LRRC72: variants seen among roughly 807,000 people sequenced by gnomAD.
The protein encoded by LRRC72 is leucine-rich repeat-containing protein 72.
In LRRC72, 41 loss-of-function variants were observed where a neutral mutation model predicts 35.8. That is an observed-to-expected ratio of 1.15 (90% CI 0.89 to 1.49). The LOEUF (loss-of-function observed/expected upper bound fraction) is 1.49. Among genes scored for constraint, LRRC72 ranks in the 40% most tolerant of loss-of-function variants. LRRC72 has a pLI of 0.00. For missense variants in LRRC72, 389 were observed against 330.7 expected (o/e 1.18, Z -1.37); for synonymous variants, 118 against 119.2 (o/e 0.99, Z 0.07).
chr7:16,532,532 G>C lies in LRRC72; in HGVS notation c.128G>C (p.Arg43Thr). Residue 43 changes from arginine to threonine, a missense_variant, in exon 2 of 9, where the codon AGG (arginine) becomes ACG (threonine). Coordinates refer to ENST00000401542, the MANE Select transcript of LRRC72 (RefSeq NM_001195280.2). Reference protein sequence around the residue: ...EDQLKICGHRRDADVFELFLS... With the variant: ...EDQLKICGHRTDADVFELFLS... ...CAGCTAAAGATATGTGGCCACAGGAGGGATGCTGATGTCTTTGAGCTGTTC... is the reference window on the plus strand; with the variant it reads ...CAGCTAAAGATATGTGGCCACAGGACGGATGCTGATGTCTTTGAGCTGTTC... 6 of 1,550,208 alleles carry C rather than the reference G, an allele frequency of 3.9e-6. No homozygotes were observed. The highest frequency in any genetic ancestry group is 5.2e-6 in the Non-Finnish European group (6 of 1,146,584).
rs770109898 is a variant in LRRC72 at position 16,532,562 on chromosome 7, C to T, written c.158C>T (p.Ser53Phe). The T allele has an allele frequency of 1.3e-6, 2 of 1,547,558 alleles. No homozygotes were observed. Among genetic ancestry groups the T allele is most frequent in the South Asian group, 2.4e-5 (2 of 84,000 alleles). ...RDADVFELFL[S>F]KKELTEVIDL... The stretch of plus-strand genomic sequence containing the variant: ...GCTGATGTCTTTGAGCTGTTCCTTT[C>T]TAAAAAGTAAGTGTACTTAACATAA... Residue 53 changes from serine to phenylalanine, a missense_variant, in exon 2 of 9, where the codon TCT (serine) becomes TTT (phenylalanine). Physicochemically the swap from Ser to Phe is radical, Grantham distance 155. Coordinates refer to ENST00000401542, the MANE Select transcript of LRRC72 (RefSeq NM_001195280.2).
intron 5 of LRRC72, among the ~76,000 whole-genome samples, chr7:16,561,502 T>C (rs1182018426): frequency 1.3e-5 from 2 of 152,142 alleles, no homozygotes; most frequent in African/African-American, 4.8e-5. Context: ...GTGCCAGGCA[T>C]GAGGAGTGGG....
rs1363283369 is a variant in LRRC72 at position 16,535,696 on chromosome 7, GC to G, written c.165-1930del. Among the ~76,000 whole-genome samples the G allele has an allele frequency of 5.3e-5, 8 of 152,264 alleles. No individual in the cohort carries two copies. The East Asian group carries it at 1.5e-3, about 29-fold the overall frequency. ...TGAATTTAGCTTCATCAAGAGTGGG[GC>G]AGACTGACGTCATTTGGATCCTTAT... On this transcript the variant is annotated intron_variant, in intron 2 of 8. Coordinates refer to ENST00000401542, the MANE Select transcript of LRRC72 (RefSeq NM_001195280.2).
intron 2 of LRRC72, chr7:16,536,787 A>C (rs1477514455): frequency 1.3e-5 from 2 of 152,212 alleles, no homozygotes; most frequent in Non-Finnish European, 2.9e-5. Context: ...AAATGAATTA[A>C]TATCTGTAAT....
At chr7:16,548,918 A>T (rs949820890) in intron 3 of LRRC72, among the ~76,000 whole-genome samples, 8 of 152,152 alleles carry the variant, frequency 5.3e-5, no homozygotes, top group Non-Finnish European at 1.0e-4. Flanking sequence ...TACTCATTGT[A>T]TGTATTATTT....
At chr7:16,551,101 G>A (rs1319419877) in intron 3 of LRRC72, among the ~76,000 whole-genome samples, 1 of 152,132 alleles carries the variant, frequency 6.6e-6, no homozygotes, top group Non-Finnish European at 1.5e-5. Flanking sequence ...TCATTAGGGT[G>A]GGACCTAATG....
At chr7:16,579,538 A>G (rs1783104935) in intron 7 of LRRC72, among the ~76,000 whole-genome samples, 1 of 152,062 alleles carries the variant, frequency 6.6e-6, no homozygotes. Flanking sequence ...TAAGAAATCC[A>G]GGTTTTGAGG....
chr7:16,566,626 G>C (rs1782849248), intron 6 of LRRC72, among the ~76,000 whole-genome samples: 1 of 152,040 alleles, frequency 6.6e-6, no homozygotes, highest in Admixed American at 6.6e-5. Flanking sequence ...TATTAGAAAG[G>C]CCCTCTAACT....
rs1177374944 is a variant in LRRC72 at position 16,548,354 on chromosome 7, G to A, written c.235-9006G>A. On this transcript the variant is annotated intron_variant, in intron 3 of 8. Coordinates refer to ENST00000401542, the MANE Select transcript of LRRC72 (RefSeq NM_001195280.2). ...TGAAAACACACCCCTTGCCTGCCACGTTGTGGGTGACAAGAAGGAGAGAAG... is the reference window on the plus strand; with the variant it reads ...TGAAAACACACCCCTTGCCTGCCACATTGTGGGTGACAAGAAGGAGAGAAG... 5.3e-5 allele frequency among the ~76,000 whole-genome samples: 8 copies of A among 152,308 alleles called. 1 individual carries two copies. The highest frequency in any genetic ancestry group is 4.8e-5 in the African/African-American group (2 of 41,570).
intron 5 of LRRC72, among the ~76,000 whole-genome samples, chr7:16,563,357 A>G: frequency 6.6e-6 from 1 of 152,080 alleles, no homozygotes; most frequent in Non-Finnish European, 1.5e-5. Context: ...GCGGTAAGGT[A>G]GTAGAGACAT....
intron 7 of LRRC72, among the ~76,000 whole-genome samples, chr7:16,572,138 C>A (rs1318905592): frequency 2.6e-5 from 4 of 152,278 alleles, no homozygotes; most frequent in Admixed American, 6.5e-5. Context: ...AGACCAATAA[C>A]AAGTTCTGAA....
At chr7:16,560,714 C>G (rs1782731266) in intron 5 of LRRC72, among the ~76,000 whole-genome samples, 1 of 151,162 alleles carries the variant, frequency 6.6e-6, no homozygotes, top group South Asian at 2.1e-4. Context: ...ACGTTTCTCA[C>G]CATTAATGTT....
At chr7:16,545,992 C>T (rs764739811) in intron 3 of LRRC72, among the ~76,000 whole-genome samples, 2 of 151,362 alleles carry the variant, frequency 1.3e-5, no homozygotes, top group African/African-American at 4.9e-5. Context: ...GTGTAAGTAC[C>T]GTATATTATA....
chr7:16,563,260 G>A (rs1273335765), intron 5 of LRRC72, among the ~76,000 whole-genome samples: 1 of 151,976 alleles, frequency 6.6e-6, no homozygotes, highest in Non-Finnish European at 1.5e-5. Flanking sequence ...AATAACTGGA[G>A]CCAATTATTT....
At chr7:16,562,660 G>A (rs922271396) in intron 5 of LRRC72, among the ~76,000 whole-genome samples, 1 of 152,158 alleles carries the variant, frequency 6.6e-6, no homozygotes, top group Non-Finnish European at 1.5e-5. Flanking sequence ...CACTGCCCAT[G>A]GCAAAAAGCC....
intron 3 of LRRC72, among the ~76,000 whole-genome samples, chr7:16,545,645 C>G (rs1257027741): frequency 6.6e-6 from 1 of 152,004 alleles, no homozygotes; most frequent in African/African-American, 2.4e-5. Flanking sequence ...ATTTTGGGCT[C>G]TTATGTGTTT....
intron 3 of LRRC72, among the ~76,000 whole-genome samples, chr7:16,548,839 C>T (rs1236074990): frequency 6.6e-6 from 1 of 152,212 alleles, no homozygotes; most frequent in Admixed American, 6.5e-5. Context: ...CCCAAAGATC[C>T]CGCAACACGA....
chr7:16,550,024 G>C (rs1270468331), intron 3 of LRRC72, among the ~76,000 whole-genome samples: 2 of 152,110 alleles, frequency 1.3e-5, no homozygotes, highest in African/African-American at 4.8e-5. Flanking sequence ...TTTAAGACCA[G>C]TCTGAGAAAC....
At position 16,532,575 on chromosome 7, in the gene LRRC72, G is replaced by A. The variant is rs775806277; in HGVS notation, c.164+7G>A. ...AGCTGTTCCTTTCTAAAAAGTAAGT[G>A]TACTTAACATAAAAAATGAAAGAGT... On this transcript the variant is annotated splice_region_variant and intron_variant, in intron 2 of 8. Coordinates refer to ENST00000401542, the MANE Select transcript of LRRC72 (RefSeq NM_001195280.2). 1 of 1,530,786 alleles carries A rather than the reference G, an allele frequency of 6.5e-7. No individual in the cohort carries two copies. The highest frequency in any genetic ancestry group is 1.2e-5 in the South Asian group (1 of 83,644). The allele number at this position is 1,530,786 out of a possible 1,614,324, so 94.8% of individuals were successfully genotyped here. A position where few individuals can be genotyped will look rare whatever the true frequency, so the allele number is the denominator to read the frequency against.
Sources: allele counts gnomAD v4.1 joint callset (sites outside exome capture counted in the v4.1 genomes callset), GRCh38; gene constraint gnomAD v4.1.1; transcripts MANE v1.5; gene names NCBI Gene and HGNC (gene_info 2026-07-23, HGNC 2026-07-21).